The following HSF1 variants were observed in gnomAD, a reference collection of about 807,000 sequenced individuals.
HSF1 encodes the protein heat shock transcription factor 1, also known as heat shock factor protein 1.
A neutral mutation model predicts 51.7 loss-of-function variants in HSF1; 32 were observed. The ratio of observed to expected loss-of-function variants is 0.62; its 90% CI spans 0.47 to 0.83. The LOEUF (loss-of-function observed/expected upper bound fraction) is 0.83. Ranked by LOEUF, HSF1 falls within the 40% of genes least tolerant of loss-of-function variation. The pLI is 0.00. For synonymous variants in HSF1, 396 were observed against 309.7 expected (o/e 1.28, Z -2.92); for missense variants, 727 against 717.0 (o/e 1.01, Z -0.16).
rs782408351 is a variant in HSF1, at chr8:144,311,617, AG to A, written c.723+19del. On this transcript the variant is annotated intron_variant, in intron 7 of 12. Coordinates refer to ENST00000528838, the MANE Select transcript of HSF1 (RefSeq NM_005526.4). ...CCCCTACTCGGTGAGTGCCGGAGAC[AG>A]GGCACCCGCCCAGGCATGCAGGCGG... 5.0e-6 allele frequency: 8 copies of A among 1,612,858 alleles called. No homozygotes were observed. Among genetic ancestry groups the A allele is most frequent in the Non-Finnish European group, 6.8e-6 (8 of 1,179,756 alleles).
At chr8:144,313,341 C>T in intron 9 of HSF1, 170 bp from the exon 10 acceptor site, 1 of 583,708 alleles carries the variant, frequency 1.7e-6, no homozygotes, top group South Asian at 2.0e-5. Context: ...GGCACAGAGC[C>T]TCCACTGCCT....
At chr8:144,306,700 C>G (rs1816249579) in intron 1 of HSF1, among the ~76,000 whole-genome samples, 1 of 152,206 alleles carries the variant, frequency 6.6e-6, no homozygotes, top group African/African-American at 2.4e-5. Context: ...AGTGGCAGCT[C>G]TGGAGCTCGG....
chr8:144,309,618 C>G (rs782605573), intron 3 of HSF1, 27 bp downstream of exon 3: 2 of 1,611,592 alleles, frequency 1.2e-6, no homozygotes, highest in East Asian at 2.2e-5. Context: ...CACCCTTGCC[C>G]GGTCTCACCT....
Position 144,314,195 on chromosome 8 carries a change from C to A in HSF1, c.1455C>A (p.Ser485Arg), listed in dbSNP as rs1554846113. ...LLDPGSVDTG[S>R]NDLPVLFELG... The stretch of plus-strand genomic sequence containing the variant: ...ACCCCGGCTCCGTGGACACCGGGAG[C>A]AACGACCTGCCGGTGCTGTTTGAGC... The change falls in exon 13 of 13, where the codon AGC becomes AGA. Residue 485 changes from serine to arginine, a missense_variant. Physicochemically the swap from Ser to Arg is moderately radical, Grantham distance 110. This residue lies in a region of HSF1 where 470 missense variants were observed against 398.8 expected (regional missense o/e 1.18). Coordinates refer to ENST00000528838, the MANE Select transcript of HSF1 (RefSeq NM_005526.4). 3.9e-6 allele frequency: 6 copies of A among 1,549,802 alleles called. No individual in the cohort carries two copies. Among genetic ancestry groups the A allele is most frequent in the Middle Eastern group, 1.7e-4 (1 of 5,956 alleles).
chr8:144,299,850 A>G (rs936042735), intron 1 of HSF1, among the ~76,000 whole-genome samples: 23 of 152,178 alleles, frequency 1.5e-4, no homozygotes, highest in Non-Finnish European at 2.8e-4. Context: ...TGGAGCTTGC[A>G]GTGAGCCAAG....
intron 9 of HSF1, 23 bp from the exon 10 acceptor site, chr8:144,313,488 G>C (rs782596343): frequency 2.6e-6 from 4 of 1,523,940 alleles, no homozygotes; most frequent in Middle Eastern, 1.7e-4. Flanking sequence ...CACTGGTTCA[G>C]GTACCGCCTT....
chr8:144,305,769 G>A (rs2130392581), intron 1 of HSF1, among the ~76,000 whole-genome samples: 1 of 99,448 alleles, frequency 1.0e-5, no homozygotes, highest in Admixed American at 1.6e-4. Flanking sequence ...GTCTCACTCT[G>A]TAGCCCAGGC....
Position 144,313,582 on chromosome 8 carries a change from A to G in HSF1, c.1214A>G (p.His405Arg), listed in dbSNP as rs1816842523. Residue 405 changes from histidine to arginine, a missense_variant, in exon 10 of 13, where the codon CAC (histidine) becomes CGC (arginine). Physicochemically the swap from His to Arg is conservative, Grantham distance 29. Around this residue, in one of 2 missense-constraint regions of HSF1, gnomAD observed 470 missense variants for 398.8 expected, o/e 1.18. Transcript: ENST00000528838. ...AACCTGCAGACCATGCTGAGCAGCC[A>G]CGGCTTCAGCGTGGACACCAGTGCC... is the stretch of plus-strand genomic sequence containing the variant. ...LDNLQTMLSS[H>R]GFSVDTSALL... 6.2e-7 allele frequency: 1 copy of G among 1,610,536 alleles called. No homozygotes were observed. The highest frequency in any genetic ancestry group is 1.1e-5 in the South Asian group (1 of 91,060).
chr8:144,308,319 G>A (rs1816361857), intron 1 of HSF1, among the ~76,000 whole-genome samples: 1 of 152,222 alleles, frequency 6.6e-6, no homozygotes, highest in Non-Finnish European at 1.5e-5. Flanking sequence ...GATAGCTCTG[G>A]GCCTGAGCTC....
At position 144,311,549 on chromosome 8, in the gene HSF1, A is replaced by G. The variant is rs1816661026; in HGVS notation, c.671A>G (p.Lys224Arg). Residue 224 changes from lysine to arginine, a missense_variant, in exon 7 of 13, where the codon AAG (lysine) becomes AGG (arginine). Around this residue, in one of 2 missense-constraint regions of HSF1, gnomAD observed 257 missense variants for 318.3 expected, o/e 0.81. Coordinates refer to ENST00000528838, the MANE Select transcript of HSF1 (RefSeq NM_005526.4). ...NDSGSAHSMP[K>R]YSRQFSLEHV... ...AGTGGCTCAGCACATTCCATGCCCAAGTATAGCCGGCAGTTCTCCCTGGAG... is the reference window on the plus strand; with the variant it reads ...AGTGGCTCAGCACATTCCATGCCCAGGTATAGCCGGCAGTTCTCCCTGGAG... The G allele has an allele frequency of 1.2e-6, 2 of 1,613,666 alleles. No homozygotes were observed. Among genetic ancestry groups the G allele is most frequent in the Non-Finnish European group, 1.7e-6 (2 of 1,179,946 alleles).
In HSF1 at chr8:144,314,309, C is replaced by G; in HGVS notation, c.1569C>G (p.Ala523=). 1 of 1,550,398 alleles carries G rather than the reference C, an allele frequency of 6.4e-7. No homozygotes were observed. The highest frequency in any genetic ancestry group is 1.4e-5 in the African/African-American group (1 of 73,184). ...SLLTGSEPPK[A]KDPTVS Reference sequence around the variant, plus strand: ...TGACAGGCTCGGAGCCTCCCAAAGCCAAGGACCCCACTGTCTCCTAGAGGC... The same window carrying G: ...TGACAGGCTCGGAGCCTCCCAAAGCGAAGGACCCCACTGTCTCCTAGAGGC... Residue 523 remains alanine, a synonymous_variant, in exon 13 of 13, where the codon GCC becomes GCG. Transcript: ENST00000528838.
In HSF1 at chr8:144,312,343, G is replaced by A. The variant is rs1383541196; in HGVS notation, c.1142+99G>A. ...CAGTGGACTGAGCAGGGCAGCTGGC[G>A]AGGCAGGACCCTACCCCCAACCTCG... On this transcript the variant is annotated intron_variant, in intron 9 of 12. Coordinates refer to ENST00000528838, the MANE Select transcript of HSF1 (RefSeq NM_005526.4). 6.4e-5 allele frequency: 61 copies of A among 954,832 alleles called. 1 individual carries two copies. Among genetic ancestry groups the A allele is most frequent in the Admixed American group, 1.7e-4 (7 of 41,096 alleles). The allele number at this position is 954,832 out of a possible 1,614,324, so 59.1% of individuals were successfully genotyped here.
chr8:144,306,751 T>C (rs1554843381), intron 1 of HSF1, among the ~76,000 whole-genome samples: 2 of 152,220 alleles, frequency 1.3e-5, no homozygotes, highest in African/African-American at 4.8e-5. Flanking sequence ...CTGCTGTTTG[T>C]CGTGGTTATC....
At chr8:144,312,764 C>G (rs1219725858) in intron 9 of HSF1, 2 of 1,465,982 alleles carry the variant, frequency 1.4e-6, no homozygotes, top group Non-Finnish European at 1.8e-6. Context: ...CGCTCGGGCC[C>G]TCCCACACAG....
intron 1 of HSF1, 45 bp from the exon 2 acceptor site, chr8:144,308,861 G>T: frequency 6.7e-7 from 1 of 1,499,818 alleles, no homozygotes; most frequent in South Asian, 1.1e-5. Context: ...TGGGCACGCT[G>T]CCCCTCACCA....
rs542887028 is a variant in HSF1, at chr8:144,291,634, C to T, written c.-124C>T. The T allele has an allele frequency of 2.3e-3, 1,215 of 517,538 alleles. 2 individuals carry two copies. The highest frequency in any genetic ancestry group is 3.4e-3 in the Non-Finnish European group (1,110 of 323,662). The allele number at this position is 517,538 out of a possible 1,614,324, so 32.1% of individuals were successfully genotyped here. A position where few individuals can be genotyped will look rare whatever the true frequency, so the allele number is the denominator to read the frequency against. On this transcript the variant is annotated 5_prime_UTR_variant, in exon 1 of 13. Transcript: ENST00000528838. The surrounding 1 kb of genome is among the most constrained non-coding windows in gnomAD (Gnocchi z 4.1). Reference sequence around the variant, plus strand: ...CAAGATGGCGGCGGCCATGCTGGGCCCCGGGGCTGTGTGTGCGCAGCGGGC... The same window carrying T: ...CAAGATGGCGGCGGCCATGCTGGGCTCCGGGGCTGTGTGTGCGCAGCGGGC...
At position 144,309,024 on chromosome 8, in the gene HSF1, G is replaced by C; in HGVS notation, c.226+10G>C. The C allele has an allele frequency of 1.2e-6, 2 of 1,603,300 alleles. No individual in the cohort carries two copies. The highest frequency in any genetic ancestry group is 1.7e-6 in the Non-Finnish European group (2 of 1,170,214). On this transcript the variant is annotated intron_variant, in intron 2 of 12. Coordinates refer to ENST00000528838, the MANE Select transcript of HSF1 (RefSeq NM_005526.4). ...CGGCAGCTCAACATGTGTGAGTGCT[G>C]CCTCCAGGCAGCGCAGGGGTGCGGG...
intron 1 of HSF1, among the ~76,000 whole-genome samples, chr8:144,301,848 A>G (rs571628606): frequency 8.2e-4 from 110 of 134,222 alleles, no homozygotes; most frequent in African/African-American, 2.1e-3. Flanking sequence ...CTGGGCGACA[A>G]AGCGAGACTC....
Position 144,313,912 on chromosome 8 carries a change from G to C in HSF1, c.1314+1G>C. 6.2e-7 allele frequency: 1 copy of C among 1,609,572 alleles called. No individual in the cohort carries two copies. Among genetic ancestry groups the C allele is most frequent in the Non-Finnish European group, 8.5e-7 (1 of 1,179,140 alleles). On this transcript the variant is annotated splice_donor_variant, in intron 11 of 12. Coordinates refer to ENST00000528838, the MANE Select transcript of HSF1 (RefSeq NM_005526.4). LOFTEE classifies it high-confidence loss of function. ...TGACCTTGACAGCAGCCTGGCCAGTGTGCGTAGGCGGGCGGGGGGTGAGGG... is the reference window on the plus strand; with the variant it reads ...TGACCTTGACAGCAGCCTGGCCAGTCTGCGTAGGCGGGCGGGGGGTGAGGG...
Sources: allele counts gnomAD v4.1 joint callset (sites outside exome capture counted in the v4.1 genomes callset), GRCh38; gene constraint gnomAD v4.1.1; regional missense constraint gnomAD v4.1.1; non-coding constraint Gnocchi (gnomAD v3.1); transcripts MANE v1.5; gene names NCBI Gene and HGNC (gene_info 2026-07-23, HGNC 2026-07-21).